Variants in ASXL2 observed in about 807,000 individuals in gnomAD.
ASXL2 encodes the protein putative Polycomb group protein ASXL2.
Under a neutral mutation model 122.0 loss-of-function variants are expected in ASXL2, and 23 were observed. The observed-to-expected ratio is 0.19, with a 90% CI of 0.14 to 0.27. ASXL2 has a LOEUF of 0.27. ASXL2 is among the 10% of genes least tolerant of loss of function. ASXL2 has a pLI of 1.00. For synonymous variants in ASXL2, 650 were observed against 637.0 expected (o/e 1.02, Z -0.31); for missense variants, 1,518 against 1,713.8 (o/e 0.89, Z 2.02).
chr2:25,826,802 A>G (rs942195291), intron 3 of ASXL2, among the ~76,000 whole-genome samples: 2 of 144,570 alleles, frequency 1.4e-5, no homozygotes, highest in African/African-American at 5.0e-5. Flanking sequence ...TCTAGACCAG[A>G]TGCTTAAATG....
intron 1 of ASXL2, among the ~76,000 whole-genome samples, chr2:25,868,634 T>C (rs1018299270): frequency 2.6e-5 from 4 of 152,244 alleles, no homozygotes; most frequent in Admixed American, 2.6e-4. Flanking sequence ...TGGTGTGTCT[T>C]AGCATAATTT....
rs200587586 is a variant in ASXL2 at position 25,769,336 on chromosome 2, T to C, written c.505-468A>G. Among the ~76,000 whole-genome samples the C allele has an allele frequency of 3.9e-5, 6 of 152,324 alleles. No homozygotes were observed. In the East Asian group the frequency reaches 1.2e-3, roughly 29 times the overall value. On this transcript the variant is annotated intron_variant, in intron 6 of 12. Transcript: ENST00000435504. ...TATGTAGAAATGTAAATATTCAGTT[T>C]ACGCAGGCTTCAGAGATACAATATT...
chr2:25,769,600 C>G (rs1357115962), intron 6 of ASXL2, among the ~76,000 whole-genome samples: 3 of 148,352 alleles, frequency 2.0e-5, no homozygotes, highest in Admixed American at 6.7e-5. Flanking sequence ...CAGAAAAAAA[C>G]AAGAAATACC....
rs1350075026 is a variant in ASXL2 at position 25,736,328 on chromosome 2, C to T, written c.*5701G>A. The T allele has an allele frequency of 6.6e-6, 1 of 152,108 alleles. No homozygotes were observed. Among genetic ancestry groups the T allele is most frequent in the Non-Finnish European group, 1.5e-5 (1 of 68,022 alleles). The allele number at this position is 152,108 out of a possible 1,614,324, so 9.4% of individuals were successfully genotyped here. On this transcript the variant is annotated 3_prime_UTR_variant, in exon 13 of 13. Coordinates refer to ENST00000435504, the MANE Select transcript of ASXL2 (RefSeq NM_018263.6). Reference sequence around the variant, plus strand: ...ATCACCTGAATATAAATTTATCTTCCCACAAGATAGGAGACCCATCTAAAT... The same window carrying T: ...ATCACCTGAATATAAATTTATCTTCTCACAAGATAGGAGACCCATCTAAAT...
chr2:25,842,813 T>C (rs558937781), intron 2 of ASXL2, among the ~76,000 whole-genome samples: 1 of 150,542 alleles, frequency 6.6e-6, no homozygotes, highest in East Asian at 2.0e-4. Context: ...TATATATATG[T>C]TTTTTTTGTT....
chr2:25,868,618 A>G (rs1371115586), intron 1 of ASXL2, among the ~76,000 whole-genome samples: 1 of 152,224 alleles, frequency 6.6e-6, no homozygotes, highest in South Asian at 2.1e-4. Context: ...TTGGAGGCAA[A>G]TATCTTGGTG....
At chr2:25,835,816 G>A (rs2089503934) in intron 2 of ASXL2, among the ~76,000 whole-genome samples, 1 of 152,164 alleles carries the variant, frequency 6.6e-6, no homozygotes, top group South Asian at 2.1e-4. Flanking sequence ...ATGTAACAGA[G>A]TAAAACTGTT....
intron 5 of ASXL2, among the ~76,000 whole-genome samples, chr2:25,788,568 T>C (rs2088783687): frequency 6.6e-6 from 1 of 152,194 alleles, no homozygotes; most frequent in Non-Finnish European, 1.5e-5. Context: ...CACCAGTGTA[T>C]AAGAATCCCG....
intron 5 of ASXL2, among the ~76,000 whole-genome samples, chr2:25,789,332 T>C (rs2088795139): frequency 6.6e-6 from 1 of 151,472 alleles, no homozygotes; most frequent in African/African-American, 2.5e-5. Flanking sequence ...GCAAATAATG[T>C]AATAGCAAAA....
Position 25,743,314 on chromosome 2 carries a change from T to C in ASXL2, c.3023A>G (p.Asn1008Ser), listed in dbSNP as rs375444958. The change falls in exon 13 of 13, where the codon AAT becomes AGT. Residue 1008 changes from asparagine to serine, a missense_variant. Transcript: ENST00000435504. ...TTENSTREEV[N>S]ERQSHPATQQ... ...CGTAGCTGGATGGGACTGTCTCTCA[T>C]TAACTTCCTCTCTGGTGCTATTTTC... is the stretch of plus-strand genomic sequence containing the variant. The C allele has an allele frequency of 3.7e-6, 6 of 1,613,870 alleles. No homozygotes were observed. The African/African-American group carries it at 6.7e-5, about 18-fold the overall frequency.
intron 11 of ASXL2, among the ~76,000 whole-genome samples, chr2:25,751,827 G>A (rs1171446838): frequency 2.0e-5 from 3 of 151,852 alleles, no homozygotes; most frequent in Admixed American, 6.6e-5. Context: ...CGTCGCCCAG[G>A]CTGGAGTGCA....
intron 1 of ASXL2, among the ~76,000 whole-genome samples, chr2:25,873,518 T>A (rs539391290): frequency 6.6e-6 from 1 of 152,252 alleles, no homozygotes; most frequent in South Asian, 2.1e-4. Flanking sequence ...TAAATAAAGA[T>A]GATTAATATG....
At chr2:25,853,523 C>G (rs140647797) in intron 1 of ASXL2, among the ~76,000 whole-genome samples, 41 of 152,242 alleles carry the variant, frequency 2.7e-4, no homozygotes, top group Non-Finnish European at 4.6e-4. Flanking sequence ...GGGTTCTTTT[C>G]TCCTCAGTGT....
chr2:25,832,474 AC>A (rs1260766542), intron 3 of ASXL2, among the ~76,000 whole-genome samples: 7 of 152,040 alleles, frequency 4.6e-5, no homozygotes, highest in African/African-American at 1.7e-4. Context: ...GAAACAGAAA[AC>A]AAAAAAACAA....
At chr2:25,817,192 A>C (rs1428154011) in intron 3 of ASXL2, among the ~76,000 whole-genome samples, 1 of 152,236 alleles carries the variant, frequency 6.6e-6, no homozygotes, top group Non-Finnish European at 1.5e-5. Context: ...ATTCTAGCTG[A>C]TGATGAAATC....
At chr2:25,851,945 G>A (rs550372343) in intron 1 of ASXL2, among the ~76,000 whole-genome samples, 1 of 152,120 alleles carries the variant, frequency 6.6e-6, no homozygotes, top group East Asian at 1.9e-4. Context: ...AGAATGTGCA[G>A]ACACACTAGG....
intron 5 of ASXL2, among the ~76,000 whole-genome samples, chr2:25,798,491 C>G (rs1388000954): frequency 6.6e-6 from 1 of 152,162 alleles, no homozygotes; most frequent in African/African-American, 2.4e-5. Context: ...AGGCCAGGCA[C>G]AGTAGCTCAC....
intron 3 of ASXL2, among the ~76,000 whole-genome samples, chr2:25,813,704 T>C (rs1474676677): frequency 6.6e-6 from 1 of 152,100 alleles, no homozygotes; most frequent in Non-Finnish European, 1.5e-5. Flanking sequence ...GTGAAACCTA[T>C]AAAATGAAAG....
At chr2:25,745,238 G>A (rs900769778) in intron 12 of ASXL2, among the ~76,000 whole-genome samples, 5 of 150,306 alleles carry the variant, frequency 3.3e-5, no homozygotes, top group African/African-American at 1.2e-4. Flanking sequence ...TTTTAGATAG[G>A]GTCTTGCTCT....
Sources: gnomAD v4.1 joint callset for allele counts (sites outside exome capture counted in the v4.1 genomes callset) on GRCh38, gnomAD v4.1.1 for gene constraint, MANE v1.5 for transcripts, NCBI Gene and HGNC (gene_info 2026-07-23, HGNC 2026-07-21) for gene names.